RAB11FIP3: variants seen among roughly 807,000 people sequenced by gnomAD.
The protein encoded by RAB11FIP3 is rab11 family-interacting protein 3.
A neutral mutation model predicts 77.8 loss-of-function variants in RAB11FIP3; 17 were observed. That is an observed-to-expected ratio of 0.22 (90% CI 0.15 to 0.33). The LOEUF is 0.33. Among genes scored for constraint, RAB11FIP3 ranks in the 10% least tolerant of loss-of-function variants. The probability of loss-of-function intolerance (pLI) is 1.00; values close to 1 mark genes in which losing one functional copy is unlikely to be tolerated. For missense variants in RAB11FIP3, 1,005 were observed against 1,011.2 expected (o/e 0.99, Z 0.08); for synonymous variants, 437 against 448.2 (o/e 0.98, Z 0.31).
chr16:496,546 G>A (rs911683887), intron 5 of RAB11FIP3, among the ~76,000 whole-genome samples: 1 of 152,248 alleles, frequency 6.6e-6, no homozygotes, highest in Non-Finnish European at 1.5e-5. Flanking sequence ...GACCAGGTGT[G>A]GCGCTGGCCT....
At chr16:456,700 T>C (rs2055510174) in intron 1 of RAB11FIP3, among the ~76,000 whole-genome samples, 1 of 152,100 alleles carries the variant, frequency 6.6e-6, no homozygotes, top group African/African-American at 2.4e-5. Flanking sequence ...GAGGTTGTAG[T>C]GAGCTGAGGC....
chr16:487,760 T>A (rs1457976567), intron 4 of RAB11FIP3, among the ~76,000 whole-genome samples: 1 of 152,106 alleles, frequency 6.6e-6, no homozygotes, highest in Non-Finnish European at 1.5e-5. Flanking sequence ...CCCCGGCCGC[T>A]GTGTTTTCCA....
chr16:486,982 C>T (rs147491014), intron 4 of RAB11FIP3, among the ~76,000 whole-genome samples: 91 of 152,306 alleles, frequency 6.0e-4, no homozygotes, highest in Non-Finnish European at 1.1e-3. Context: ...CTTCCTGTAA[C>T]GTAGCCTAAT....
chr16:479,962 C>G (rs2056000938), intron 3 of RAB11FIP3, among the ~76,000 whole-genome samples: 1 of 151,678 alleles, frequency 6.6e-6, no homozygotes, highest in Non-Finnish European at 1.5e-5. Flanking sequence ...GTTTTCTGCT[C>G]TCAGACATGT....
chr16:500,526 AC>A (rs1383236651), intron 6 of RAB11FIP3, among the ~76,000 whole-genome samples: 8 of 151,676 alleles, frequency 5.3e-5, no homozygotes, highest in Non-Finnish European at 8.8e-5. Flanking sequence ...ACTAAAAAAA[AC>A]AATACAAAAA....
At chr16:440,086 C>CCG (rs2055199419) in intron 1 of RAB11FIP3, among the ~76,000 whole-genome samples, 1 of 152,008 alleles carries the variant, frequency 6.6e-6, no homozygotes, top group African/African-American at 2.4e-5. Context: ...ATGATCCGCC[C>CCG]CCCCCATCGG....
At chr16:482,820 G>A in intron 4 of RAB11FIP3, 84 bp downstream of exon 4, 1 of 1,385,628 alleles carries the variant, frequency 7.2e-7, no homozygotes, top group Non-Finnish European at 9.8e-7. Context: ...CTGGGGTCTT[G>A]GAGGAGTGCG....
At position 478,519 on chromosome 16, in the gene RAB11FIP3, C is replaced by G. The variant is rs2055968819; in HGVS notation, c.904-4006C>G. On this transcript the variant is annotated intron_variant, in intron 3 of 13. Coordinates refer to ENST00000262305, the MANE Select transcript of RAB11FIP3 (RefSeq NM_014700.4). ...TTGTCTGCTTCTTACGATACTAGAA[C>G]TAGAGTGCAAAGGGCATCTTTTTCT... Among the ~76,000 whole-genome samples the G allele has an allele frequency of 3.3e-5, 5 of 152,020 alleles. No homozygotes were observed. In the South Asian group the frequency reaches 1.0e-3, roughly 32 times the overall value.
chr16:520,022 G>T, intron 11 of RAB11FIP3, 100 bp from the exon 12 acceptor site: 1 of 1,525,422 alleles, frequency 6.6e-7, no homozygotes, highest in Non-Finnish European at 8.8e-7. Flanking sequence ...GTCCTCCCGA[G>T]AGACGGCCAG....
At chr16:429,009 T>TA (rs1175061775) in intron 1 of RAB11FIP3, among the ~76,000 whole-genome samples, 18 of 152,128 alleles carry the variant, frequency 1.2e-4, no homozygotes. Context: ...TCTGTTCTTC[T>TA]AGACGGCTTA....
chr16:459,617 A>C (rs1275853995), intron 1 of RAB11FIP3, among the ~76,000 whole-genome samples: 1 of 151,364 alleles, frequency 6.6e-6, no homozygotes. Flanking sequence ...TTGTATTTTT[A>C]GTAGAGATGG....
intron 1 of RAB11FIP3, among the ~76,000 whole-genome samples, chr16:447,505 G>A (rs1047828752): frequency 3.3e-5 from 5 of 152,128 alleles, no homozygotes; most frequent in African/African-American, 4.8e-5. Flanking sequence ...TTGGGAGGCC[G>A]AGGCGGTGGA....
chr16:511,528 T>A (rs1387752162), intron 9 of RAB11FIP3, among the ~76,000 whole-genome samples: 1 of 70,898 alleles, frequency 1.4e-5, no homozygotes, highest in Admixed American at 1.6e-4. Flanking sequence ...GCAGGCCAGG[T>A]AGGAGAAGTT....
chr16:501,526 G>A (rs1218562603), intron 6 of RAB11FIP3, among the ~76,000 whole-genome samples: 1 of 140,674 alleles, frequency 7.1e-6, no homozygotes, highest in Non-Finnish European at 1.5e-5. Context: ...AGGAAGCTCG[G>A]AGAGGGTCCC....
intron 2 of RAB11FIP3, among the ~76,000 whole-genome samples, chr16:468,071 A>C (rs1217137262): frequency 1.0e-4 from 2 of 19,628 alleles, no homozygotes; most frequent in African/African-American, 2.1e-4. Context: ...GGTGCAGGGA[A>C]GTGAGGGAGG....
intron 1 of RAB11FIP3, among the ~76,000 whole-genome samples, chr16:441,261 C>CTGTTCCTGATCACTCAGTAACCTGG (rs1666344754): frequency 6.6e-6 from 1 of 152,160 alleles, no homozygotes; most frequent in Admixed American, 6.5e-5. Flanking sequence ...TTCTTCAAGC[C>CTGTTCCTGATCACTCAGTAACCTGG]TGTTCCTGAT....
At chr16:476,184 G>T (rs2055904348) in intron 3 of RAB11FIP3, among the ~76,000 whole-genome samples, 1 of 152,210 alleles carries the variant, frequency 6.6e-6, no homozygotes, top group African/African-American at 2.4e-5. Flanking sequence ...AGAAGGTGAA[G>T]GTGGGTCCAG....
chr16:490,882 C>T (rs950075627), intron 5 of RAB11FIP3, among the ~76,000 whole-genome samples: 2 of 152,218 alleles, frequency 1.3e-5, no homozygotes, highest in Non-Finnish European at 2.9e-5. Context: ...GCACCCGACC[C>T]AGAGGAGCAG....
Position 476,001 on chromosome 16 carries a change from G to A in RAB11FIP3, c.903+4612G>A, listed in dbSNP as rs1235716174. ...CTCCTGAGTAGCTGGGATTACAGGC[G>A]CCCGCCACCACACCCAGCTAATTTT... On this transcript the variant is annotated intron_variant, in intron 3 of 13. Transcript: ENST00000262305. Among the ~76,000 whole-genome samples, 4 of 152,198 alleles carry A rather than the reference G, an allele frequency of 2.6e-5. No individual in the cohort carries two copies. In the East Asian group the frequency reaches 5.8e-4, roughly 22 times the overall value.
Sources: gnomAD v4.1 joint callset for allele counts (sites outside exome capture counted in the v4.1 genomes callset) on GRCh38, gnomAD v4.1.1 for gene constraint, MANE v1.5 for transcripts, NCBI Gene and HGNC (gene_info 2026-07-23, HGNC 2026-07-21) for gene names.